The following KCNH1 variants were observed in gnomAD, a reference collection of about 807,000 sequenced individuals.
KCNH1 encodes the protein voltage-gated delayed rectifier potassium channel KCNH1.
In KCNH1, 27 loss-of-function variants were observed where a neutral mutation model predicts 69.2. The ratio of observed to expected loss-of-function variants is 0.39; its 90% CI spans 0.29 to 0.54. The LOEUF (loss-of-function observed/expected upper bound fraction) is 0.54. Ranked by LOEUF, KCNH1 falls within the 20% of genes least tolerant of loss-of-function variation. The pLI, the probability that KCNH1 is intolerant of heterozygous loss-of-function variation, is 0.68. For synonymous variants in KCNH1, 456 were observed against 487.7 expected, an observed-to-expected ratio of 0.93 and a Z score of 0.86; for missense variants, 798 against 1,261.6, an observed-to-expected ratio of 0.63 and a Z score of 5.57.
intron 7 of KCNH1, among the ~76,000 whole-genome samples, chr1:210,805,546 T>G (rs536021052): frequency 6.6e-6 from 1 of 152,298 alleles, no homozygotes; most frequent in Non-Finnish European, 1.5e-5. Context: ...TTCTAGAATT[T>G]TATATACATG....
intron 5 of KCNH1, among the ~76,000 whole-genome samples, chr1:211,077,213 C>T (rs1690751843): frequency 2.0e-5 from 3 of 152,058 alleles, no homozygotes; most frequent in Admixed American, 1.3e-4. Flanking sequence ...AGAACTTCCC[C>T]AACCTAGCGA....
At chr1:210,934,473 T>G (rs748025071) in intron 6 of KCNH1, among the ~76,000 whole-genome samples, 4 of 152,094 alleles carry the variant, frequency 2.6e-5, no homozygotes, top group Non-Finnish European at 5.9e-5. Flanking sequence ...GCCAATATGA[T>G]ACCAAAAATA....
At chr1:210,895,363 AC>A in intron 7 of KCNH1, among the ~76,000 whole-genome samples, 2 of 152,286 alleles carry the variant, frequency 1.3e-5, no homozygotes, top group Middle Eastern at 6.8e-3. Context: ...ATAATAATTA[AC>A]AAAGATTAAT....
At chr1:211,004,334 G>A (rs56198727) in intron 6 of KCNH1, among the ~76,000 whole-genome samples, 3,628 of 152,116 alleles carry the variant, frequency 0.024, 155 homozygotes, top group African/African-American at 0.083. Flanking sequence ...ACAGATATAC[G>A]TATCGATGCA....
At chr1:210,859,806 A>G in intron 7 of KCNH1, 1 of 1,038,344 alleles carries the variant, frequency 9.6e-7, no homozygotes, top group Non-Finnish European at 1.5e-6. Context: ...GCCCCAAGAA[A>G]CAGTCAACAT....
In KCNH1 at chr1:210,983,685, T is replaced by C. The variant is rs184932073; in HGVS notation, c.1032+35098A>G. ...TTTTGGTTACTGTAGCCTTGTAGTG[T>C]AGTTTGAAGTCAGGTAGCGTGATGT... On this transcript the variant is annotated intron_variant, in intron 6 of 10. Transcript: ENST00000271751. Among the ~76,000 whole-genome samples, 51 of 152,320 alleles carry C rather than the reference T, an allele frequency of 3.3e-4. 1 individual carries two copies. Among genetic ancestry groups the C allele is most frequent in the African/African-American group, 1.2e-3 (51 of 41,582 alleles).
At chr1:210,724,134 C>G (rs1258072901) in intron 10 of KCNH1, among the ~76,000 whole-genome samples, 11 of 152,076 alleles carry the variant, frequency 7.2e-5, no homozygotes, top group Non-Finnish European at 1.3e-4. Flanking sequence ...ATATTAATTC[C>G]CAATTTTCAG....
chr1:210,699,727 C>G (rs149232019), intron 10 of KCNH1, among the ~76,000 whole-genome samples: 1 of 152,198 alleles, frequency 6.6e-6, no homozygotes, highest in Admixed American at 6.5e-5. Context: ...GCCCATTCTA[C>G]ACATGACTTT....
chr1:210,768,371 T>C (rs532256677), intron 10 of KCNH1, among the ~76,000 whole-genome samples: 1 of 152,318 alleles, frequency 6.6e-6, no homozygotes, highest in South Asian at 2.1e-4. Flanking sequence ...TGAACTCAAA[T>C]ACTCTGACTG....
At chr1:211,090,759 T>C (rs1174452094) in intron 3 of KCNH1, 69 bp from the exon 4 acceptor site, 3 of 1,392,592 alleles carry the variant, frequency 2.2e-6, no homozygotes, top group Middle Eastern at 1.8e-4. Flanking sequence ...AAGCAAAGAC[T>C]TGGGAATGAA....
At chr1:210,982,211 C>T (rs116004969) in intron 6 of KCNH1, among the ~76,000 whole-genome samples, 9 of 136,638 alleles carry the variant, frequency 6.6e-5, no homozygotes, top group Admixed American at 5.9e-4. Flanking sequence ...GAAAAGGATG[C>T]GAGAATACTT....
intron 6 of KCNH1, among the ~76,000 whole-genome samples, chr1:211,009,481 G>A (rs529282873): frequency 1.3e-5 from 2 of 152,206 alleles, no homozygotes; most frequent in Admixed American, 6.5e-5. Flanking sequence ...GTGAGGAGTG[G>A]GCAAGAGGAA....
intron 10 of KCNH1, among the ~76,000 whole-genome samples, chr1:210,763,500 AT>A (rs911226002): frequency 1.3e-5 from 2 of 152,068 alleles, no homozygotes; most frequent in Non-Finnish European, 2.9e-5. Flanking sequence ...CCTAAATTTG[AT>A]GACTTCAGGA....
At chr1:210,713,828 A>AAAT (rs1682142183) in intron 10 of KCNH1, among the ~76,000 whole-genome samples, 1 of 152,140 alleles carries the variant, frequency 6.6e-6, no homozygotes, top group Non-Finnish European at 1.5e-5. Context: ...ATGGAGTGGG[A>AAAT]AATTCAGAGG....
At chr1:210,806,836 A>T (rs6669545) in intron 7 of KCNH1, among the ~76,000 whole-genome samples, 66,941 of 85,746 alleles carry the variant, frequency 0.78, 26,292 homozygotes, top group East Asian at 0.85. Flanking sequence ...AAAAAAAAAA[A>T]ATATATATAT....
intron 7 of KCNH1, among the ~76,000 whole-genome samples, chr1:210,883,773 A>G (rs906959930): frequency 7.9e-5 from 12 of 152,248 alleles, no homozygotes; most frequent in Admixed American, 7.9e-4. Flanking sequence ...ATTAACGCCA[A>G]GCAAGCTTGG....
chr1:210,706,849 T>C (rs1341758102), intron 10 of KCNH1, among the ~76,000 whole-genome samples: 2 of 152,234 alleles, frequency 1.3e-5, no homozygotes, highest in Admixed American at 6.5e-5. Flanking sequence ...AGCAAGTAAG[T>C]GAAAGAACTC....
At chr1:211,021,962 T>C (rs759369220) in intron 5 of KCNH1, among the ~76,000 whole-genome samples, 19 of 151,912 alleles carry the variant, frequency 1.3e-4, no homozygotes, top group African/African-American at 4.4e-4. Flanking sequence ...TTCACAGAAA[T>C]AGAAAAAATT....
chr1:211,116,659 T>C (rs1308345439), intron 1 of KCNH1, among the ~76,000 whole-genome samples: 1 of 152,198 alleles, frequency 6.6e-6, no homozygotes, highest in East Asian at 1.9e-4. Context: ...ATCACTCTGT[T>C]TGTCTTGGTC....
Sources: allele counts gnomAD v4.1 joint callset (sites outside exome capture counted in the v4.1 genomes callset), GRCh38; gene constraint gnomAD v4.1.1; transcripts MANE v1.5; gene names NCBI Gene and HGNC (gene_info 2026-07-23, HGNC 2026-07-21).